Variants in AUTS2 observed in about 807,000 individuals in gnomAD.
AUTS2 encodes the protein activator of transcription and developmental regulator AUTS2.
A neutral mutation model predicts 112.4 loss-of-function variants in AUTS2; 17 were observed. The ratio of observed to expected loss-of-function variants is 0.15; its 90% CI spans 0.10 to 0.23. The LOEUF (loss-of-function observed/expected upper bound fraction) is 0.23, where lower values mean the gene tolerates loss of function less well. Ranked by LOEUF, AUTS2 falls within the 10% of genes least tolerant of loss-of-function variation. The pLI is 1.00. For missense variants in AUTS2, 1,510 were observed against 1,701.6 expected (o/e 0.89, Z 1.98); for synonymous variants, 751 against 702.7 (o/e 1.07, Z -1.09).
intron 6 of AUTS2, among the ~76,000 whole-genome samples, chr7:70,740,067 G>A (rs1001353118): frequency 1.3e-5 from 2 of 152,178 alleles, no homozygotes; most frequent in East Asian, 3.9e-4. Context: ...GAGGTGTGCA[G>A]AACCTGATTC....
Position 69,636,959 on chromosome 7 carries a change from G to A in AUTS2, c.309+36997G>A, listed in dbSNP as rs1794574538. Among the ~76,000 whole-genome samples, 2 of 152,060 alleles carry A rather than the reference G, an allele frequency of 1.3e-5. 1 individual carries two copies. Among genetic ancestry groups the A allele is most frequent in the South Asian group, 4.2e-4 (2 of 4,810 alleles). On this transcript the variant is annotated intron_variant, in intron 1 of 18. Transcript: ENST00000342771. Reference sequence around the variant, plus strand: ...TTTTTGTATTTTTAGTAGAGACGGGGTTTCACCGTGTTAGCCAGGATGGTC... The same window carrying A: ...TTTTTGTATTTTTAGTAGAGACGGGATTTCACCGTGTTAGCCAGGATGGTC...
At chr7:70,437,173 A>G (rs1327496858) in intron 5 of AUTS2, 1 of 152,248 alleles carries the variant, frequency 6.6e-6, no homozygotes, top group Non-Finnish European at 1.5e-5. Context: ...CAGTGAAAGT[A>G]CACACTGGAA....
At chr7:70,162,679 T>C (rs943638927) in intron 4 of AUTS2, among the ~76,000 whole-genome samples, 1 of 152,106 alleles carries the variant, frequency 6.6e-6, no homozygotes, top group East Asian at 1.9e-4. Context: ...CTGTCTTTAA[T>C]TGTATTATTA....
At chr7:70,018,586 C>T (rs544645021) in intron 2 of AUTS2, among the ~76,000 whole-genome samples, 210 of 152,118 alleles carry the variant, frequency 1.4e-3, no homozygotes, top group Non-Finnish European at 2.5e-3. Context: ...AAAGAGATCC[C>T]GGTTATACAA....
intron 1 of AUTS2, among the ~76,000 whole-genome samples, chr7:69,698,262 C>T (rs1386387022): frequency 6.6e-6 from 1 of 152,072 alleles, no homozygotes; most frequent in East Asian, 1.9e-4. Flanking sequence ...TTTGTGAAAA[C>T]CGGTAGACAG....
At position 70,008,562 on chromosome 7, in the gene AUTS2, C is replaced by T. The variant is rs565474560; in HGVS notation, c.522+109064C>T. ...ATGGATAGTAAATTTGTAAAATGTGCAAGAAGTTTTTTGTCTTAAAAGCAC... is the reference window on the plus strand; with the variant it reads ...ATGGATAGTAAATTTGTAAAATGTGTAAGAAGTTTTTTGTCTTAAAAGCAC... On this transcript the variant is annotated intron_variant, in intron 2 of 18. Coordinates refer to ENST00000342771, the MANE Select transcript of AUTS2 (RefSeq NM_015570.4). Among the ~76,000 whole-genome samples the T allele has an allele frequency of 3.8e-4, 58 of 152,136 alleles. 1 individual carries two copies. The highest frequency in any genetic ancestry group is 3.7e-3 in the Admixed American group (57 of 15,276).
At chr7:69,669,364 GTA>G (rs774395336) in intron 1 of AUTS2, among the ~76,000 whole-genome samples, 4 of 151,358 alleles carry the variant, frequency 2.6e-5, no homozygotes, top group Admixed American at 6.6e-5. Flanking sequence ...ATATGTGTGT[GTA>G]TATATATATA....
chr7:69,776,458 C>T (rs904854255), intron 1 of AUTS2, among the ~76,000 whole-genome samples: 1 of 152,148 alleles, frequency 6.6e-6, no homozygotes, highest in East Asian at 1.9e-4. Context: ...GTCTGATACT[C>T]AGGTTAGAGT....
chr7:70,222,888 CTT>C (rs200649101), intron 4 of AUTS2, among the ~76,000 whole-genome samples: 38 of 130,068 alleles, frequency 2.9e-4, no homozygotes, highest in Admixed American at 3.9e-4. Context: ...TGGAAATTTG[CTT>C]TTTTTTTTTT....
intron 6 of AUTS2, among the ~76,000 whole-genome samples, chr7:70,707,903 A>G (rs930281876): frequency 3.3e-5 from 5 of 152,212 alleles, no homozygotes; most frequent in African/African-American, 9.6e-5. Flanking sequence ...ACAAGGCCCA[A>G]ATCTGTGCTG....
chr7:70,187,357 T>C (rs1241596741), intron 4 of AUTS2, among the ~76,000 whole-genome samples: 1 of 152,236 alleles, frequency 6.6e-6, no homozygotes, highest in Non-Finnish European at 1.5e-5. Flanking sequence ...AAATAGGTAA[T>C]TAGGTATATA....
intron 1 of AUTS2, among the ~76,000 whole-genome samples, chr7:69,665,265 A>G (rs1795982309): frequency 6.6e-6 from 1 of 152,222 alleles, no homozygotes; most frequent in African/African-American, 2.4e-5. Flanking sequence ...ATGGTGCTGT[A>G]TAAATTCAAG....
chr7:69,770,831 AC>A (rs1189605095), intron 1 of AUTS2, among the ~76,000 whole-genome samples: 1 of 151,846 alleles, frequency 6.6e-6, no homozygotes, highest in African/African-American at 2.4e-5. Context: ...ACTTAGGAGG[AC>A]TTAATGACAT....
chr7:70,305,051 G>T (rs1374969841), intron 4 of AUTS2, among the ~76,000 whole-genome samples: 5 of 151,990 alleles, frequency 3.3e-5, no homozygotes, highest in Admixed American at 6.6e-5. Context: ...TTTCTCAAAG[G>T]CCATTAAATA....
intron 4 of AUTS2, among the ~76,000 whole-genome samples, chr7:70,150,339 G>C (rs1226802657): frequency 2.6e-5 from 4 of 152,076 alleles, no homozygotes; most frequent in Non-Finnish European, 4.4e-5. Context: ...AAAGGTAAAG[G>C]TACTTTTGAA....
chr7:70,635,661 T>C (rs1295554696), intron 5 of AUTS2, among the ~76,000 whole-genome samples: 2 of 152,186 alleles, frequency 1.3e-5, no homozygotes, highest in Non-Finnish European at 2.9e-5. Flanking sequence ...GTTTATCAGG[T>C]ACTGTCAGAG....
chr7:69,969,992 A>G (rs1362273814), intron 2 of AUTS2, among the ~76,000 whole-genome samples: 2 of 152,182 alleles, frequency 1.3e-5, no homozygotes, highest in Non-Finnish European at 2.9e-5. Context: ...AAACATTGGC[A>G]TAAGAGAATA....
At chr7:69,788,204 A>T (rs1229963516) in intron 1 of AUTS2, among the ~76,000 whole-genome samples, 1 of 152,002 alleles carries the variant, frequency 6.6e-6, no homozygotes, top group Non-Finnish European at 1.5e-5. Context: ...ATCTGAGTAT[A>T]TTGTGTGGCA....
At chr7:69,922,765 A>G (rs1024834779) in intron 2 of AUTS2, among the ~76,000 whole-genome samples, 1 of 152,172 alleles carries the variant, frequency 6.6e-6, no homozygotes, top group Non-Finnish European at 1.5e-5. Flanking sequence ...GTAACTTCAG[A>G]CTTGTTAACA....
Sources: allele counts gnomAD v4.1 joint callset (sites outside exome capture counted in the v4.1 genomes callset), GRCh38; gene constraint gnomAD v4.1.1; transcripts MANE v1.5; gene names NCBI Gene and HGNC (gene_info 2026-07-23, HGNC 2026-07-21).